KMT2E: variants seen among roughly 807,000 people sequenced by gnomAD.
The protein encoded by KMT2E is lysine methyltransferase 2E (inactive).
KMT2E carries 30 observed loss-of-function variants against 184.6 expected under a neutral mutation model. The ratio of observed to expected loss-of-function variants is 0.16; its 90% CI spans 0.12 to 0.22. The LOEUF (loss-of-function observed/expected upper bound fraction) is 0.22, where lower values mean the gene tolerates loss of function less well. Ranked by LOEUF, KMT2E falls within the 10% of genes least tolerant of loss-of-function variation. The pLI, the probability that KMT2E is intolerant of heterozygous loss-of-function variation, is 1.00. For synonymous variants in KMT2E, 815 were observed against 776.5 expected (o/e 1.05, Z -0.82); for missense variants, 2,023 against 2,237.4 (o/e 0.90, Z 1.93).
rs139526609 is a variant in KMT2E, at chr7:105,088,208, T to G, written c.1359-1801T>G. Among the ~76,000 whole-genome samples, 66 of 152,340 alleles carry G rather than the reference T, an allele frequency of 4.3e-4. No individual in the cohort carries two copies. In the East Asian group the frequency reaches 0.011, roughly 26 times the overall value. ...CCTTGGACCAATTTCTTCATCACTT[T>G]GTGCTGCATTACCTCACGTATATGA... On this transcript the variant is annotated intron_variant, in intron 13 of 26. Coordinates refer to ENST00000311117, the MANE Select transcript of KMT2E (RefSeq NM_182931.3).
intron 1 of KMT2E, among the ~76,000 whole-genome samples, chr7:105,028,198 T>C (rs2129564375): frequency 6.6e-6 from 1 of 151,868 alleles, no homozygotes. Flanking sequence ...AGACAGAGTC[T>C]GGCTCTGTCG....
intron 15 of KMT2E, among the ~76,000 whole-genome samples, chr7:105,093,615 C>T (rs569546229): frequency 2.6e-5 from 4 of 151,982 alleles, no homozygotes; most frequent in South Asian, 2.1e-4. Context: ...ACCTGGGAGG[C>T]GGAGGTTGCA....
chr7:105,046,906 C>T (rs912928690), intron 3 of KMT2E, among the ~76,000 whole-genome samples: 10 of 152,088 alleles, frequency 6.6e-5, no homozygotes, highest in Admixed American at 5.2e-4. Flanking sequence ...CAAGACCGTC[C>T]ACAGGCTCAA....
intron 3 of KMT2E, among the ~76,000 whole-genome samples, chr7:105,055,717 G>T (rs1189184984): frequency 6.6e-6 from 1 of 152,168 alleles, no homozygotes; most frequent in Non-Finnish European, 1.5e-5. Flanking sequence ...CTGACTGCAT[G>T]TGTGCTTTCT....
intron 8 of KMT2E, 54 bp from the exon 9 acceptor site, chr7:105,075,989 A>G: frequency 1.5e-6 from 2 of 1,363,990 alleles, no homozygotes; most frequent in East Asian, 4.6e-5. Flanking sequence ...ATTCTTAAAT[A>G]TTAATTATGT....
chr7:105,018,774 G>A (rs184090615), intron 1 of KMT2E, among the ~76,000 whole-genome samples: 14 of 152,144 alleles, frequency 9.2e-5, no homozygotes, highest in African/African-American at 3.4e-4. Flanking sequence ...GATGTTGGGA[G>A]GAGCCTTATT....
chr7:105,015,470 A>G (rs1794678595), intron 1 of KMT2E, among the ~76,000 whole-genome samples: 1 of 152,134 alleles, frequency 6.6e-6, no homozygotes. Flanking sequence ...CGTTTTGCCT[A>G]TTTTGTTCCC....
intron 3 of KMT2E, among the ~76,000 whole-genome samples, chr7:105,041,338 T>C (rs1252420746): frequency 1.3e-5 from 2 of 152,190 alleles, no homozygotes; most frequent in Admixed American, 6.5e-5. Flanking sequence ...GTATTTGATA[T>C]TGTTATTCCA....
At chr7:105,068,784 T>C (rs1254380589) in intron 6 of KMT2E, among the ~76,000 whole-genome samples, 2 of 152,104 alleles carry the variant, frequency 1.3e-5, no homozygotes, top group Admixed American at 1.3e-4. Flanking sequence ...CATGTCTCTA[T>C]GTTAACTATT....
rs75727077 is a variant in KMT2E at position 105,093,678 on chromosome 7, C to A, written c.1722+2364C>A. Among the ~76,000 whole-genome samples, 73 of 151,954 alleles carry A rather than the reference C, an allele frequency of 4.8e-4. No homozygotes were observed. In the East Asian group the frequency reaches 0.013, roughly 27 times the overall value. On this transcript the variant is annotated intron_variant, in intron 15 of 26. Coordinates refer to ENST00000311117, the MANE Select transcript of KMT2E (RefSeq NM_182931.3). ...CAGCCTGGGCAACAAGAGCGAAACT[C>A]CATCTCCAAAAAAAAAGAGAATTGT...
intron 3 of KMT2E, among the ~76,000 whole-genome samples, chr7:105,054,455 TC>T (rs1353647855): frequency 2.7e-5 from 2 of 73,770 alleles, no homozygotes; most frequent in African/African-American, 1.2e-4. Context: ...GCTCTGTCTG[TC>T]TGTCTATCTA....
chr7:105,048,268 C>T (rs1046661137), intron 3 of KMT2E, among the ~76,000 whole-genome samples: 1 of 152,120 alleles, frequency 6.6e-6, no homozygotes, highest in African/African-American at 2.4e-5. Flanking sequence ...AACTCTTGGG[C>T]TCAAGTGATC....
chr7:105,108,817 G>A, intron 22 of KMT2E, 125 bp from the exon 23 acceptor site: 1 of 790,504 alleles, frequency 1.3e-6, no homozygotes, highest in South Asian at 1.9e-5. Context: ...TATTTGTTCA[G>A]AATCAATTAA....
intron 1 of KMT2E, among the ~76,000 whole-genome samples, chr7:105,026,424 A>G (rs955338306): frequency 6.6e-6 from 1 of 152,180 alleles, no homozygotes; most frequent in Non-Finnish European, 1.5e-5. Context: ...TGATAATACT[A>G]TAGATTAATT....
chr7:105,031,700 C>T (rs973733202), intron 1 of KMT2E, among the ~76,000 whole-genome samples: 20 of 151,176 alleles, frequency 1.3e-4, no homozygotes, highest in South Asian at 1.1e-3. Context: ...TGCAGTGACT[C>T]GAGATTGTGC....
intron 3 of KMT2E, among the ~76,000 whole-genome samples, chr7:105,054,821 T>C (rs1796510266): frequency 6.6e-6 from 1 of 152,144 alleles, no homozygotes; most frequent in Non-Finnish European, 1.5e-5. Context: ...AGCCCGCAAG[T>C]TGCACATTTT....
chr7:105,044,579 A>C (rs1487094069), intron 3 of KMT2E, among the ~76,000 whole-genome samples: 1 of 152,138 alleles, frequency 6.6e-6, no homozygotes, highest in Non-Finnish European at 1.5e-5. Context: ...CTGGTCTGTA[A>C]AACTGGAGAT....
intron 6 of KMT2E, among the ~76,000 whole-genome samples, chr7:105,068,963 C>G (rs183479592): frequency 1.7e-3 from 252 of 152,232 alleles, no homozygotes; most frequent in African/African-American, 5.7e-3. Context: ...CTTATTGATG[C>G]TTAAATTTCA....
chr7:105,079,540 T>G (rs1335101409), intron 12 of KMT2E, among the ~76,000 whole-genome samples: 9 of 117,466 alleles, frequency 7.7e-5, no homozygotes, highest in Non-Finnish European at 1.5e-4. Context: ...TTTTTTTTTT[T>G]TGAGGCAGTG....
Sources: allele counts gnomAD v4.1 joint callset (sites outside exome capture counted in the v4.1 genomes callset), GRCh38; gene constraint gnomAD v4.1.1; transcripts MANE v1.5; gene names NCBI Gene and HGNC (gene_info 2026-07-23, HGNC 2026-07-21).